MAP4: variants seen among roughly 807,000 people sequenced by gnomAD.
MAP4 encodes the protein microtubule-associated protein 4.
MAP4 carries 76 observed loss-of-function variants against 170.2 expected under a neutral mutation model. The observed-to-expected ratio is 0.45, with a 90% CI of 0.37 to 0.54. The LOEUF is 0.54. Among genes scored for constraint, MAP4 ranks in the 20% least tolerant of loss-of-function variants. The probability of loss-of-function intolerance (pLI) is 0.00; values close to 1 mark genes in which losing one functional copy is unlikely to be tolerated. For missense variants in MAP4, 2,506 were observed against 2,748.0 expected (o/e 0.91, Z 1.97); for synonymous variants, 909 against 994.5 (o/e 0.91, Z 1.62).
chr3:48,062,027 T>C (rs990063070), intron 1 of MAP4, among the ~76,000 whole-genome samples: 2 of 152,130 alleles, frequency 1.3e-5, no homozygotes, highest in Non-Finnish European at 2.9e-5. Context: ...GAACGGGCCA[T>C]GATGAGGATG....
rs550646708 is a variant in MAP4, at chr3:47,852,380, G to A, written c.*554C>T. 7 of 180,772 alleles carry A rather than the reference G, an allele frequency of 3.9e-5. No individual in the cohort carries two copies. The highest frequency in any genetic ancestry group is 1.2e-4 in the Admixed American group (2 of 17,104). 11.2% of individuals were successfully genotyped at this position (180,772 alleles called of 1,614,324 possible). A position where few individuals can be genotyped will look rare whatever the true frequency, so the allele number is the denominator to read the frequency against. ...GGGCCCGACACCACCTGCATGGGGA[G>A]GGGGGGGCGCCCATTTGTGGGACCA... On this transcript the variant is annotated 3_prime_UTR_variant, in exon 21 of 21. Transcript: ENST00000683076.
At position 47,877,528 on chromosome 3, in the gene MAP4, G is replaced by C; in HGVS notation, c.5435-5C>G. ...CTTCTTCTGGCCTGGCTATTCCTAA[G>C]GGGAGAGGGTGAGTGGGAATTATGC... On this transcript the variant is annotated splice_polypyrimidine_tract_variant and splice_region_variant and intron_variant, in intron 10 of 20. Transcript: ENST00000683076. The C allele has an allele frequency of 1.3e-6, 2 of 1,596,598 alleles. No homozygotes were observed. The highest frequency in any genetic ancestry group is 2.2e-5 in the East Asian group (1 of 44,746).
chr3:47,899,649 T>C lies in MAP4; in HGVS notation c.5434+3301A>G, dbSNP rs556741702. 4.6e-5 allele frequency among the ~76,000 whole-genome samples: 7 copies of C among 152,354 alleles called. No individual in the cohort carries two copies. In the South Asian group the frequency reaches 8.3e-4, roughly 18 times the overall value. ...GCCATGTGGGTGCACTGCACAGTGC[T>C]TGACTCACAGTAAATAAGCTTTCAA... On this transcript the variant is annotated intron_variant, in intron 10 of 20. Coordinates refer to ENST00000683076, the MANE Select transcript of MAP4 (RefSeq NM_001385682.1).
intron 1 of MAP4, among the ~76,000 whole-genome samples, chr3:48,003,453 CAAAAAA>C (rs201694525): frequency 8.9e-6 from 1 of 111,884 alleles, no homozygotes; most frequent in South Asian, 3.0e-4. Context: ...GACTCCTTCT[CAAAAAA>C]AAAAAAAAAA....
At chr3:48,066,898 T>C (rs2100138573) in intron 1 of MAP4, among the ~76,000 whole-genome samples, 1 of 128,630 alleles carries the variant, frequency 7.8e-6, no homozygotes, top group African/African-American at 2.9e-5. Context: ...TGGAGAGCAG[T>C]GGTACGATCT....
At chr3:48,035,799 G>C (rs1473200744) in intron 1 of MAP4, among the ~76,000 whole-genome samples, 2 of 152,024 alleles carry the variant, frequency 1.3e-5, no homozygotes, top group East Asian at 3.9e-4. Flanking sequence ...AATTAGCCAG[G>C]TGTGGTGGCA....
intron 1 of MAP4, among the ~76,000 whole-genome samples, chr3:48,048,276 A>C (rs1209121465): frequency 1.3e-5 from 2 of 152,216 alleles, no homozygotes; most frequent in Non-Finnish European, 2.9e-5. Flanking sequence ...ACAACATAAG[A>C]AAGCCACAGA....
intron 1 of MAP4, among the ~76,000 whole-genome samples, chr3:48,083,955 C>T (rs1480131054): frequency 6.6e-6 from 1 of 151,516 alleles, no homozygotes; most frequent in African/African-American, 2.4e-5. Flanking sequence ...GAACTCCTGA[C>T]CTCAAGTGAT....
rs369038562 is a variant in MAP4, at chr3:47,988,282, T to A, written c.224-10349A>T. Among the ~76,000 whole-genome samples the A allele has an allele frequency of 2.0e-4, 30 of 151,568 alleles. No homozygotes were observed. In the South Asian group the frequency reaches 6.0e-3, roughly 31 times the overall value. On this transcript the variant is annotated intron_variant, in intron 2 of 20. Coordinates refer to ENST00000683076, the MANE Select transcript of MAP4 (RefSeq NM_001385682.1). ...ATTTTTTTTTTAATGATAAAAAAAT[T>A]ATAGTATGTTTGATGCTGGTGAATG...
intron 1 of MAP4, among the ~76,000 whole-genome samples, chr3:48,080,514 A>G (rs1462189838): frequency 6.6e-6 from 1 of 152,220 alleles, no homozygotes; most frequent in African/African-American, 2.4e-5. Flanking sequence ...AGATAATGAG[A>G]CTGCTTTCCT....
chr3:47,935,045 C>T (rs1354296696), intron 3 of MAP4, among the ~76,000 whole-genome samples: 1 of 152,218 alleles, frequency 6.6e-6, no homozygotes, highest in East Asian at 1.9e-4. Context: ...CTAATACCTA[C>T]TTCATAAGGC....
At chr3:47,894,578 G>A (rs978829667) in intron 10 of MAP4, among the ~76,000 whole-genome samples, 1 of 146,744 alleles carries the variant, frequency 6.8e-6, no homozygotes, top group African/African-American at 2.4e-5. Context: ...GCAAGACTCC[G>A]TCTCAAAAAA....
chr3:47,946,654 CAAAAAAAAAAAAA>C (rs11427271), intron 3 of MAP4, among the ~76,000 whole-genome samples: 587 of 40,872 alleles, frequency 0.014, 15 homozygotes, highest in African/African-American at 0.049. Flanking sequence ...AACTCCGTCT[CAAAAAAAAAAAAA>C]AAAAAAAAAA....
intron 1 of MAP4, chr3:48,088,641 G>A: frequency 6.6e-6 from 1 of 152,476 alleles, no homozygotes; most frequent in Non-Finnish European, 1.5e-5. Flanking sequence ...CTCGCAGGCC[G>A]GCGGCCACCG....
At chr3:48,083,497 C>G (rs899796281) in intron 1 of MAP4, among the ~76,000 whole-genome samples, 1 of 151,738 alleles carries the variant, frequency 6.6e-6, no homozygotes. Context: ...TCCCGAGTAG[C>G]TGGGATTACA....
chr3:47,986,685 C>T (rs2100088925), intron 2 of MAP4, among the ~76,000 whole-genome samples: 2 of 152,162 alleles, frequency 1.3e-5, no homozygotes, highest in South Asian at 2.1e-4. Context: ...ATGAACTATA[C>T]ATTTTGGTAC....
intron 10 of MAP4, among the ~76,000 whole-genome samples, chr3:47,900,693 G>T (rs147616878): frequency 6.6e-6 from 1 of 152,166 alleles, no homozygotes; most frequent in East Asian, 1.9e-4. Flanking sequence ...CCGAGATGGC[G>T]CCACTGCACT....
At chr3:47,968,785 AC>A (rs2100076648) in intron 3 of MAP4, among the ~76,000 whole-genome samples, 1 of 152,066 alleles carries the variant, frequency 6.6e-6, no homozygotes, top group African/African-American at 2.4e-5. Flanking sequence ...AATAGAGAAA[AC>A]TCACCAAAAC....
intron 17 of MAP4, among the ~76,000 whole-genome samples, chr3:47,863,891 G>A (rs983953374): frequency 6.9e-6 from 1 of 144,014 alleles, no homozygotes; most frequent in South Asian, 2.2e-4. Flanking sequence ...TGGTAACTGC[G>A]TTATTTCTGT....
Sources: gnomAD v4.1 joint callset for allele counts (sites outside exome capture counted in the v4.1 genomes callset) on GRCh38, gnomAD v4.1.1 for gene constraint, MANE v1.5 for transcripts, NCBI Gene and HGNC (gene_info 2026-07-23, HGNC 2026-07-21) for gene names.